The following RBPJ variants were observed in gnomAD, a reference collection of about 807,000 sequenced individuals.
RBPJ encodes the protein recombination signal binding protein for immunoglobulin kappa J region, also known as recombining binding protein suppressor of hairless.
In RBPJ, 9 loss-of-function variants were observed where a neutral mutation model predicts 67.8. That is an observed-to-expected ratio of 0.13 (90% confidence interval 0.08 to 0.23). The LOEUF is 0.23. Ranked by LOEUF, RBPJ falls within the 10% of genes least tolerant of loss-of-function variation. The probability of loss-of-function intolerance (pLI) is 1.00; values close to 1 mark genes in which losing one functional copy is unlikely to be tolerated. For missense variants in RBPJ, 305 were observed against 595.6 expected (o/e 0.51, Z 5.08); for synonymous variants, 198 against 203.3 (o/e 0.97, Z 0.22).
intron 1 of RBPJ, among the ~76,000 whole-genome samples, chr4:26,231,478 C>T (rs1163630340): frequency 6.7e-6 from 1 of 150,228 alleles, no homozygotes; most frequent in Non-Finnish European, 1.5e-5. Context: ...GTGGCAAGAT[C>T]TCGGCTCACT....
In RBPJ at chr4:26,401,978, T is replaced by A. The variant is rs1732869149; in HGVS notation, c.60-4197T>A. Among the ~76,000 whole-genome samples, 4 of 150,084 alleles carry A rather than the reference T, an allele frequency of 2.7e-5. No individual in the cohort carries two copies. The South Asian group carries it at 8.6e-4, about 32-fold the overall frequency. ...ATCTTGGCTGACTGCAACCTCTGCC[T>A]CCTGTGTTCAAGTGATTCTCCTGCC... On this transcript the variant is annotated intron_variant, in intron 2 of 10. Transcript: ENST00000355476.
At chr4:26,241,358 A>G (rs1719631368) in intron 1 of RBPJ, among the ~76,000 whole-genome samples, 1 of 152,200 alleles carries the variant, frequency 6.6e-6, no homozygotes, top group African/African-American at 2.4e-5. Flanking sequence ...AAGAAAAATT[A>G]TTTTGATGAA....
intron 1 of RBPJ, among the ~76,000 whole-genome samples, chr4:26,166,681 T>C (rs570551062): frequency 2.2e-4 from 33 of 152,204 alleles, no homozygotes; most frequent in African/African-American, 7.5e-4. Flanking sequence ...CTGCTCACTC[T>C]GATGGTAGTT....
At chr4:26,390,203 G>GAA (rs1731361497) in intron 2 of RBPJ, among the ~76,000 whole-genome samples, 1 of 152,080 alleles carries the variant, frequency 6.6e-6, no homozygotes, top group Non-Finnish European at 1.5e-5. Flanking sequence ...AAAAGCTTTT[G>GAA]ACATCCATTT....
chr4:26,246,400 C>T (rs1398673395), intron 1 of RBPJ, among the ~76,000 whole-genome samples: 1 of 152,054 alleles, frequency 6.6e-6, no homozygotes, highest in Non-Finnish European at 1.5e-5. Flanking sequence ...GTATATTGAT[C>T]CCCATAACAT....
intron 1 of RBPJ, among the ~76,000 whole-genome samples, chr4:26,249,614 T>A (rs925051768): frequency 6.6e-6 from 1 of 151,714 alleles, no homozygotes; most frequent in South Asian, 2.1e-4. Flanking sequence ...TGAGCCGAGA[T>A]CCCGCCACTG....
In RBPJ at chr4:26,264,797, C is replaced by T. The variant is rs1452709620; in HGVS notation, c.-166-97649C>T. On this transcript the variant is annotated intron_variant, in intron 1 of 4. Transcript: ENST00000512351. The surrounding 1 kb of genome is among the most constrained non-coding windows in gnomAD (Gnocchi z 4.1). ...TGTGCTCCCATAACCCTCTGCCTAC[C>T]GTAGCAGGCATTTTATGGTTTGCCT... Among the ~76,000 whole-genome samples, 13 of 152,166 alleles carry T rather than the reference C, an allele frequency of 8.5e-5. No individual in the cohort carries two copies. Among genetic ancestry groups the T allele is most frequent in the Admixed American group, 7.2e-4 (11 of 15,264 alleles).
Position 26,244,282 on chromosome 4 carries a change from T to TGTATGTATACAC in RBPJ, c.-167+80668_-167+80669insGTATGTATACAC, listed in dbSNP as rs1491209291. On this transcript the variant is annotated intron_variant, in intron 1 of 4. Coordinates refer to the RBPJ transcript ENST00000512351. The stretch of plus-strand genomic sequence containing the variant: ...ACATATGTGTACACATATATGTGTG[T>TGTATGTATACAC]ATATGTATACACATATGTGTACACA... 1.9e-4 allele frequency among the ~76,000 whole-genome samples: 26 copies of TGTATGTATACAC among 140,074 alleles called. 2 individuals are homozygous for TGTATGTATACAC. Among genetic ancestry groups the TGTATGTATACAC allele is most frequent in the African/African-American group, 7.1e-4 (25 of 35,392 alleles). The allele number at this position is 140,074 out of a possible 152,430, so 91.9% of individuals were successfully genotyped here.
chr4:26,399,667 T>G (rs933725080), intron 2 of RBPJ, among the ~76,000 whole-genome samples: 2 of 152,254 alleles, frequency 1.3e-5, no homozygotes, highest in African/African-American at 4.8e-5. Flanking sequence ...TAAAATTATT[T>G]TTGATAACAA....
At chr4:26,132,619 C>A in the RBPJ span, among the ~76,000 whole-genome samples, 1 of 152,170 alleles carries the variant, frequency 6.6e-6, no homozygotes, top group African/African-American at 2.4e-5. Flanking sequence ...ACTCATATAC[C>A]CTTTTCTTCC....
chr4:26,137,158 G>T, the RBPJ span, among the ~76,000 whole-genome samples: 1 of 152,180 alleles, frequency 6.6e-6, no homozygotes, highest in Non-Finnish European at 1.5e-5. Flanking sequence ...CTGTGGGCTG[G>T]GAGGGTCAGC....
intron 1 of RBPJ, among the ~76,000 whole-genome samples, chr4:26,192,888 T>C (rs1717619862): frequency 6.6e-6 from 1 of 152,126 alleles, no homozygotes; most frequent in Non-Finnish European, 1.5e-5. Flanking sequence ...GCAGGTGTGA[T>C]TACATTAGAG....
intron 1 of RBPJ, among the ~76,000 whole-genome samples, chr4:26,182,383 C>G (rs1183862582): frequency 6.6e-6 from 1 of 151,884 alleles, no homozygotes; most frequent in African/African-American, 2.4e-5. Flanking sequence ...TTGACTCTTT[C>G]GTAATAACAT....
intron 1 of RBPJ, among the ~76,000 whole-genome samples, chr4:26,220,868 C>T (rs1290878879): frequency 1.3e-5 from 2 of 152,332 alleles, no homozygotes; most frequent in East Asian, 1.9e-4. Context: ...TATTTCACTG[C>T]ACCGCAGTGG....
At chr4:26,202,569 T>A (rs968146919) in intron 1 of RBPJ, among the ~76,000 whole-genome samples, 1 of 148,964 alleles carries the variant, frequency 6.7e-6, no homozygotes, top group Non-Finnish European at 1.5e-5. Flanking sequence ...TTTTTAAAAA[T>A]CCCACATTCA....
At chr4:26,217,979 C>A (rs1718772984) in intron 1 of RBPJ, among the ~76,000 whole-genome samples, 1 of 152,182 alleles carries the variant, frequency 6.6e-6, no homozygotes, top group African/African-American at 2.4e-5. Context: ...AGAGGAAAAA[C>A]AAAACAGACC....
intron 1 of RBPJ, among the ~76,000 whole-genome samples, chr4:26,222,579 G>A (rs1467911537): frequency 7.2e-6 from 1 of 139,792 alleles, no homozygotes; most frequent in Non-Finnish European, 1.5e-5. Flanking sequence ...TTATATAAAT[G>A]TATCAAATTA....
intron 1 of RBPJ, among the ~76,000 whole-genome samples, chr4:26,214,637 AAG>A (rs1457154906): frequency 6.9e-5 from 4 of 58,210 alleles, no homozygotes; most frequent in Admixed American, 1.9e-4. Context: ...GAGAAAGAAA[AAG>A]AAAAAAGAAA....
the RBPJ span, among the ~76,000 whole-genome samples, chr4:26,154,145 C>A: frequency 1.2e-3 from 186 of 152,220 alleles, no homozygotes; most frequent in African/African-American, 4.2e-3. Context: ...CAAAGAGCTC[C>A]CCTCCACTCT....
Sources: allele counts gnomAD v4.1 joint callset (sites outside exome capture counted in the v4.1 genomes callset), GRCh38; gene constraint gnomAD v4.1.1; non-coding constraint Gnocchi (gnomAD v3.1); transcripts MANE v1.5; gene names NCBI Gene and HGNC (gene_info 2026-07-23, HGNC 2026-07-21).